PARD3B: variants seen among roughly 807,000 people sequenced by gnomAD.
PARD3B encodes partitioning defective 3 homolog B.
A neutral mutation model predicts 130.2 loss-of-function variants in PARD3B; 103 were observed. That is an observed-to-expected ratio of 0.79 (90% CI 0.67 to 0.93). The LOEUF (loss-of-function observed/expected upper bound fraction) is 0.93, where lower values mean the gene tolerates loss of function less well. PARD3B is among the 40% of genes least tolerant of loss of function. The pLI is 0.00. For synonymous variants in PARD3B, 583 were observed against 553.2 expected (o/e 1.05, Z -0.76); for missense variants, 1,609 against 1,499.2 (o/e 1.07, Z -1.21).
chr2:204,735,424 G>A (rs1006217640), intron 2 of PARD3B, among the ~76,000 whole-genome samples: 2 of 152,064 alleles, frequency 1.3e-5, no homozygotes, highest in Admixed American at 1.3e-4. Flanking sequence ...GGAAATACAA[G>A]GGATAGAGAA....
At chr2:204,697,538 A>G (rs1447105805) in intron 2 of PARD3B, among the ~76,000 whole-genome samples, 3 of 152,146 alleles carry the variant, frequency 2.0e-5, no homozygotes, top group Non-Finnish European at 4.4e-5. Context: ...GTATATAAGC[A>G]AGAGTGGGGC....
At chr2:204,791,098 CT>C (rs2042185594) in intron 2 of PARD3B, among the ~76,000 whole-genome samples, 1 of 136,290 alleles carries the variant, frequency 7.3e-6, no homozygotes, top group African/African-American at 2.8e-5. Context: ...GATCTAGACT[CT>C]GTCTCAAAAA....
At chr2:205,045,198 G>T (rs1478692428) in intron 3 of PARD3B, among the ~76,000 whole-genome samples, 1 of 149,406 alleles carries the variant, frequency 6.7e-6, no homozygotes, top group Non-Finnish European at 1.5e-5. Flanking sequence ...ATAATACTAT[G>T]GCATATTGAT....
chr2:204,754,478 AAAGT>A (rs1198589764), intron 2 of PARD3B, among the ~76,000 whole-genome samples: 1 of 152,168 alleles, frequency 6.6e-6, no homozygotes, highest in Non-Finnish European at 1.5e-5. Context: ...CTTCATGTAG[AAAGT>A]AAGTATAATA....
intron 18 of PARD3B, among the ~76,000 whole-genome samples, chr2:205,344,624 T>C (rs2043680900): frequency 6.6e-6 from 1 of 152,214 alleles, no homozygotes; most frequent in South Asian, 2.1e-4. Flanking sequence ...TACTCTTCAA[T>C]ACCTCAGCTA....
At chr2:205,204,510 A>G (rs1417456760) in intron 15 of PARD3B, among the ~76,000 whole-genome samples, 1 of 152,216 alleles carries the variant, frequency 6.6e-6, no homozygotes, top group African/African-American at 2.4e-5. Context: ...TGTTTTAGAC[A>G]TGAAGTCTTT....
intron 1 of PARD3B, among the ~76,000 whole-genome samples, chr2:204,596,917 A>ACTCTCT (rs560128486): frequency 3.2e-5 from 4 of 125,242 alleles, no homozygotes; most frequent in South Asian, 2.5e-4. Context: ...AAACTCACTC[A>ACTCTCT]CTCTCTCTCT....
chr2:205,087,040 A>C (rs984376956), intron 4 of PARD3B, among the ~76,000 whole-genome samples: 3 of 152,174 alleles, frequency 2.0e-5, no homozygotes, highest in African/African-American at 7.2e-5. Context: ...TGTGTTTAAC[A>C]GTTCATATTA....
chr2:205,018,773 C>G (rs935102296), intron 3 of PARD3B, among the ~76,000 whole-genome samples: 8 of 95,684 alleles, frequency 8.4e-5, no homozygotes, highest in Admixed American at 2.6e-4. Flanking sequence ...ATAAAATATG[C>G]TTTTTGTTTC....
intron 15 of PARD3B, among the ~76,000 whole-genome samples, chr2:205,239,745 A>G (rs1259772069): frequency 2.0e-5 from 3 of 152,214 alleles, no homozygotes; most frequent in African/African-American, 4.8e-5. Context: ...CTATGTCACC[A>G]TGGCTGAGAG....
intron 18 of PARD3B, among the ~76,000 whole-genome samples, chr2:205,370,543 G>A (rs2044772549): frequency 6.6e-6 from 1 of 152,136 alleles, no homozygotes. Flanking sequence ...GCCCGGGAAA[G>A]GGCAGGAGTA....
chr2:205,172,151 G>T, intron 11 of PARD3B, 60 bp from the exon 12 acceptor site: 6 of 1,476,584 alleles, frequency 4.1e-6, no homozygotes, highest in South Asian at 2.7e-5. Flanking sequence ...TCCCCAAAAC[G>T]CCACATGTCA....
At chr2:205,053,937 G>C (rs560199444) in intron 4 of PARD3B, among the ~76,000 whole-genome samples, 11 of 151,986 alleles carry the variant, frequency 7.2e-5, no homozygotes, top group Non-Finnish European at 1.6e-4. Flanking sequence ...TTTAATAATA[G>C]TTCTGGTGTT....
chr2:204,598,279 T>A (rs1405809200), intron 1 of PARD3B, among the ~76,000 whole-genome samples: 1 of 152,160 alleles, frequency 6.6e-6, no homozygotes. Flanking sequence ...CATGTTCAAG[T>A]TGGAAAATTA....
At chr2:205,257,468 G>A (rs1009535499) in intron 16 of PARD3B, among the ~76,000 whole-genome samples, 18 of 152,064 alleles carry the variant, frequency 1.2e-4, no homozygotes, top group African/African-American at 4.3e-4. Context: ...CATCAAACTG[G>A]TGACAGAGAC....
At chr2:205,606,152 C>A (rs1164033062) in intron 22 of PARD3B, among the ~76,000 whole-genome samples, 2 of 152,108 alleles carry the variant, frequency 1.3e-5, no homozygotes, top group African/African-American at 2.4e-5. Flanking sequence ...CACCCCTCCC[C>A]ACAGGAACTC....
At chr2:204,633,384 T>C (rs979225028) in intron 1 of PARD3B, among the ~76,000 whole-genome samples, 18 of 152,246 alleles carry the variant, frequency 1.2e-4, no homozygotes, top group African/African-American at 4.1e-4. Flanking sequence ...CATTCATAAA[T>C]ATTTCTGTAT....
chr2:204,637,017 T>C (rs1464437350), intron 1 of PARD3B, among the ~76,000 whole-genome samples: 1 of 152,200 alleles, frequency 6.6e-6, no homozygotes, highest in Admixed American at 6.5e-5. Flanking sequence ...AATAGAACCA[T>C]ATTCTAAAAC....
At chr2:205,605,316 TTTG>T (rs1368856384) in intron 22 of PARD3B, among the ~76,000 whole-genome samples, 8 of 152,260 alleles carry the variant, frequency 5.3e-5, no homozygotes, top group South Asian at 4.1e-4. Flanking sequence ...TCATCGTCTT[TTTG>T]TTGTTGTTGT....
Sources: gnomAD v4.1 joint callset for allele counts (sites outside exome capture counted in the v4.1 genomes callset) on GRCh38, gnomAD v4.1.1 for gene constraint, MANE v1.5 for transcripts, NCBI Gene and HGNC (gene_info 2026-07-23, HGNC 2026-07-21) for gene names.